OR4E2: variants seen among roughly 807,000 people sequenced by gnomAD.
OR4E2 encodes olfactory receptor 4E2.
OR4E2 carries 9 observed loss-of-function variants against 11.0 expected under a neutral mutation model. That is an observed-to-expected ratio of 0.82 (90% CI 0.49 to 1.43). The LOEUF (loss-of-function observed/expected upper bound fraction) is 1.43, where lower values mean the gene tolerates loss of function less well. OR4E2 is among the 40% of genes most tolerant of loss of function. OR4E2 has a pLI of 0.00. For synonymous variants in OR4E2, 159 were observed against 147.3 expected, an observed-to-expected ratio of 1.08 and a Z score of -0.57; for missense variants, 441 against 382.0, an observed-to-expected ratio of 1.15 and a Z score of -1.29.
chr14:21,655,997 G>A (rs115965479), intron 1 of OR4E2, among the ~76,000 whole-genome samples: 1,751 of 152,076 alleles, frequency 0.012, 26 homozygotes, highest in African/African-American at 0.032. Flanking sequence ...AGGCGAAACC[G>A]CTGGGCGTGA....
rs151071266 is a variant in OR4E2 at position 21,659,884 on chromosome 14, G to A, written c.-102-769G>A. On this transcript the variant is annotated intron_variant, in intron 2 of 3. Coordinates refer to ENST00000641524, the MANE Select transcript of OR4E2 (RefSeq NM_001001912.3). ...AAGTGAATTATACAGTATATTAGAAGGTGATCAGTGCTTTCAAAAAATAAA... is the reference window on the plus strand; with the variant it reads ...AAGTGAATTATACAGTATATTAGAAAGTGATCAGTGCTTTCAAAAAATAAA... Among the ~76,000 whole-genome samples the A allele has an allele frequency of 2.8e-3, 420 of 151,726 alleles. 2 individuals carry two copies. The highest frequency in any genetic ancestry group is 4.9e-3 in the Non-Finnish European group (331 of 67,962).
At chr14:21,661,635 T>C (rs893521500) in intron 3 of OR4E2, among the ~76,000 whole-genome samples, 19 of 152,246 alleles carry the variant, frequency 1.2e-4, no homozygotes, top group Admixed American at 2.6e-4. Flanking sequence ...TTATAAAACT[T>C]CTTTAAGTGG....
intron 1 of OR4E2, among the ~76,000 whole-genome samples, 198 bp downstream of exon 1, chr14:21,654,137 C>T (rs904649277): frequency 1.3e-5 from 2 of 152,060 alleles, no homozygotes; most frequent in Non-Finnish European, 2.9e-5. Flanking sequence ...TCCTGCCTCA[C>T]CTTTATAATG....
intron 1 of OR4E2, among the ~76,000 whole-genome samples, chr14:21,654,818 G>C (rs1352983354): frequency 6.6e-6 from 1 of 152,028 alleles, no homozygotes; most frequent in Non-Finnish European, 1.5e-5. Context: ...TGTGGGTTTG[G>C]AAAGTTTAAA....
Position 21,665,741 on chromosome 14 carries a change from T to C in OR4E2, c.659T>C (p.Val220Ala), listed in dbSNP as rs1030118991. ...CFLAVVTSYM[V>A]ILVSLRKHSA... ...TTGGCCGTGGTCACCTCCTATATGG[T>C]CATCCTGGTTTCTCTTCGAAAACAC... The change falls in exon 4 of 4, where the codon GTC becomes GCC. Residue 220 changes from valine (V) to alanine (A), a missense_variant. Coordinates refer to ENST00000641524, the MANE Select transcript of OR4E2 (RefSeq NM_001001912.3). 2 of 1,614,128 alleles carry C rather than the reference T, an allele frequency of 1.2e-6. No individual in the cohort carries two copies. Among genetic ancestry groups the C allele is most frequent in the African/African-American group, 2.7e-5 (2 of 75,022 alleles).
chr14:21,663,413 G>GA (rs1192164618), intron 3 of OR4E2, among the ~76,000 whole-genome samples: 1 of 152,028 alleles, frequency 6.6e-6, no homozygotes, highest in Middle Eastern at 3.2e-3. Flanking sequence ...CTGGAAGGCG[G>GA]AGCTTGCAGT....
intron 1 of OR4E2, among the ~76,000 whole-genome samples, chr14:21,654,466 C>T (rs1015094903): frequency 1.3e-5 from 2 of 150,420 alleles, no homozygotes; most frequent in African/African-American, 4.9e-5. Context: ...CACAGATGCA[C>T]ACACACACAC....
Position 21,666,194 on chromosome 14 carries a change from CTTA to C in OR4E2, c.*174_*176del, listed in dbSNP as rs1880641097. ...TTATTCTGTTCATTAAAGATAAGAACTTATTAACTATTATTTAAATAAAGCAAA... is the reference window on the plus strand; with the variant it reads ...TTATTCTGTTCATTAAAGATAAGAACTTAACTATTATTTAAATAAAGCAAA... On this transcript the variant is annotated 3_prime_UTR_variant, in exon 4 of 4. Coordinates refer to ENST00000641524, the MANE Select transcript of OR4E2 (RefSeq NM_001001912.3). The C allele has an allele frequency of 3.9e-6, 2 of 506,698 alleles. No homozygotes were observed. Among genetic ancestry groups the C allele is most frequent in the Non-Finnish European group, 6.9e-6 (2 of 288,934 alleles). The allele number at this position is 506,698 out of a possible 1,614,324, so 31.4% of individuals were successfully genotyped here.
intron 3 of OR4E2, among the ~76,000 whole-genome samples, chr14:21,661,384 T>A (rs1880315529): frequency 6.6e-6 from 1 of 152,234 alleles, no homozygotes; most frequent in Admixed American, 6.5e-5. Flanking sequence ...ATTTCTTTCT[T>A]CCTTTGTTCA....
intron 3 of OR4E2, among the ~76,000 whole-genome samples, chr14:21,661,997 G>A (rs1055158104): frequency 6.6e-6 from 1 of 152,170 alleles, no homozygotes; most frequent in South Asian, 2.1e-4. Flanking sequence ...TAGTAGCAGT[G>A]TTAAGAGTAC....
chr14:21,660,013 T>C (rs1880229192), intron 2 of OR4E2, among the ~76,000 whole-genome samples: 1 of 152,106 alleles, frequency 6.6e-6, no homozygotes, highest in Non-Finnish European at 1.5e-5. Flanking sequence ...AGGTGATGTT[T>C]GAGCAAAGAC....
intron 1 of OR4E2, among the ~76,000 whole-genome samples, chr14:21,656,123 C>CCAAA (rs764825272): frequency 2.0e-5 from 3 of 151,296 alleles, no homozygotes; most frequent in Non-Finnish European, 4.4e-5. Context: ...TACAAAAAAA[C>CCAAA]CAACCAACCA....
chr14:21,656,915 C>G (rs1438651040), intron 2 of OR4E2, among the ~76,000 whole-genome samples: 2 of 152,142 alleles, frequency 1.3e-5, no homozygotes, highest in Non-Finnish European at 2.9e-5. Context: ...TGCCACAGCA[C>G]TGATTTCTTT....
At chr14:21,657,612 C>T (rs911496772) in intron 2 of OR4E2, among the ~76,000 whole-genome samples, 15 of 143,554 alleles carry the variant, frequency 1.0e-4, no homozygotes, top group Non-Finnish European at 1.4e-4. Context: ...CTTTTTTTAA[C>T]GGAGTTTTGC....
At chr14:21,665,035 A>G in intron 3 of OR4E2, 40 bp from the exon 4 acceptor site, 1 of 1,045,758 alleles carries the variant, frequency 9.6e-7, no homozygotes, top group Non-Finnish European at 1.4e-6. Context: ...TATTCCTATA[A>G]TAATAAAACT....
chr14:21,658,139 G>A (rs1880116812), intron 2 of OR4E2, among the ~76,000 whole-genome samples: 1 of 152,180 alleles, frequency 6.6e-6, no homozygotes, highest in African/African-American at 2.4e-5. Context: ...CAACTATTGA[G>A]TAATAGAAAG....
In OR4E2 at chr14:21,665,949, G is replaced by C. The variant is rs748949768; in HGVS notation, c.867G>C (p.Leu289Phe). 6.2e-7 allele frequency: 1 copy of C among 1,613,972 alleles called. No individual in the cohort carries two copies. Among genetic ancestry groups the C allele is most frequent in the South Asian group, 1.1e-5 (1 of 91,038 alleles). The change falls in exon 4 of 4, where the codon TTG becomes TTC. Residue 289 changes from leucine (L) to phenylalanine (F), a missense_variant. By Grantham distance (22) the Leu-to-Phe change is conservative. Transcript: ENST00000641524. ...TGCTGAATCCCTTCATTTACACCTT[G>C]AGGAATGAGGAGGTAAAAAGTGCCA... ...TPLLNPFIYT[L>F]RNEEVKSAMK...
At chr14:21,656,258 G>A (rs1461361340) in intron 1 of OR4E2, among the ~76,000 whole-genome samples, 1 of 152,086 alleles carries the variant, frequency 6.6e-6, no homozygotes, top group Admixed American at 6.5e-5. Context: ...TACTTGGGAG[G>A]TTGAGATGGG....
intron 3 of OR4E2, among the ~76,000 whole-genome samples, chr14:21,662,990 T>A (rs1334150034): frequency 6.6e-6 from 1 of 152,208 alleles, no homozygotes. Flanking sequence ...TATACAATAA[T>A]ATCATATTAC....
Sources: gnomAD v4.1 joint callset for allele counts (sites outside exome capture counted in the v4.1 genomes callset) on GRCh38, gnomAD v4.1.1 for gene constraint, MANE v1.5 for transcripts, NCBI Gene and HGNC (gene_info 2026-07-23, HGNC 2026-07-21) for gene names.